PARP11: variants seen among roughly 807,000 people sequenced by gnomAD.
PARP11 encodes the protein poly(ADP-ribose) polymerase family member 11, also known as protein mono-ADP-ribosyltransferase PARP11.
In PARP11, 31 loss-of-function variants were observed where a neutral mutation model predicts 42.9. That is an observed-to-expected ratio of 0.72 (90% CI 0.54 to 0.98). The LOEUF is 0.98. Ranked by LOEUF, PARP11 falls within the 50% of genes least tolerant of loss-of-function variation. The probability of loss-of-function intolerance (pLI) is 0.00; values close to 1 mark genes in which losing one functional copy is unlikely to be tolerated. For missense variants in PARP11, 365 were observed against 413.1 expected, an observed-to-expected ratio of 0.88 and a Z score of 1.01; for synonymous variants, 137 against 127.3, an observed-to-expected ratio of 1.08 and a Z score of -0.51.
At chr12:3,834,147 T>C (rs1419461457) in intron 1 of PARP11, among the ~76,000 whole-genome samples, 2 of 152,052 alleles carry the variant, frequency 1.3e-5, no homozygotes, top group Non-Finnish European at 2.9e-5. Context: ...CTACCAGCAC[T>C]CCACTGCCCA....
In PARP11 at chr12:3,840,313, A is replaced by G; in HGVS notation, c.19-10295T>C. 1 of 1,614,198 alleles carries G rather than the reference A, an allele frequency of 6.2e-7. No homozygotes were observed. ...GGCACCTCCCCCAGAAAGCTGGAACACAGTGTCAGGGAAGAAGATGAAAAA... is the reference window on the plus strand; with the variant it reads ...GGCACCTCCCCCAGAAAGCTGGAACGCAGTGTCAGGGAAGAAGATGAAAAA... On this transcript the variant is annotated intron_variant, in intron 1 of 7. Transcript: ENST00000228820. This position sits in a 1 kb window ranked among gnomAD's most constrained non-coding sequence, Gnocchi z 4.4.
intron 1 of PARP11, among the ~76,000 whole-genome samples, chr12:3,856,498 C>T (rs928130158): frequency 2.0e-5 from 3 of 152,212 alleles, no homozygotes; most frequent in Non-Finnish European, 4.4e-5. Context: ...GACATTTATG[C>T]AGCCAATAGA....
rs149651455 is a variant in PARP11, at chr12:3,869,284, C to T, written c.18+3928G>A. ...TAATATGTGGATATCTTTAGGAGGC[C>T]ATTATTACGTCTACCATATTTTCTA... On this transcript the variant is annotated intron_variant, in intron 1 of 7. Coordinates refer to ENST00000228820, the MANE Select transcript of PARP11 (RefSeq NM_020367.6). Among the ~76,000 whole-genome samples the T allele has an allele frequency of 8.5e-5, 13 of 152,288 alleles. No individual in the cohort carries two copies. The East Asian group carries it at 2.5e-3, about 29-fold the overall frequency.
Position 3,809,614 on chromosome 12 carries a change from A to G in PARP11, c.*2509T>C, listed in dbSNP as rs1947130509. 6.6e-6 allele frequency: 1 copy of G among 152,248 alleles called. No individual in the cohort carries two copies. Among genetic ancestry groups the G allele is most frequent in the South Asian group, 2.1e-4 (1 of 4,836 alleles). 9.4% of individuals were successfully genotyped at this position (152,248 alleles called of 1,614,324 possible). A position where few individuals can be genotyped will look rare whatever the true frequency, so the allele number is the denominator to read the frequency against. ...ACAGTTTTTCCATTCAAGTGCTGAG[A>G]GAGCTATGCATATAAAACTTGAAAA... is the stretch of plus-strand genomic sequence containing the variant. On this transcript the variant is annotated 3_prime_UTR_variant, in exon 8 of 8. Coordinates refer to ENST00000228820, the MANE Select transcript of PARP11 (RefSeq NM_020367.6).
At chr12:3,817,700 G>T (rs1947319844) in intron 6 of PARP11, among the ~76,000 whole-genome samples, 1 of 152,164 alleles carries the variant, frequency 6.6e-6, no homozygotes, top group African/African-American at 2.4e-5. Context: ...ACCTCTTAGG[G>T]ACTAGAGTGC....
chr12:3,835,780 T>C (rs1332447493), intron 1 of PARP11, among the ~76,000 whole-genome samples: 2 of 152,112 alleles, frequency 1.3e-5, no homozygotes, highest in South Asian at 2.1e-4. Flanking sequence ...AGTGGTAGAT[T>C]TGTGAACAAG....
chr12:3,825,980 C>T (rs1485850386), intron 4 of PARP11, among the ~76,000 whole-genome samples, 178 bp downstream of exon 4: 1 of 152,060 alleles, frequency 6.6e-6, no homozygotes, highest in African/African-American at 2.4e-5. Flanking sequence ...CAGGCCGCCT[C>T]GGCCTCCCAA....
chr12:3,813,903 T>C, intron 7 of PARP11, 134 bp downstream of exon 7: 2 of 585,790 alleles, frequency 3.4e-6, no homozygotes, highest in Non-Finnish European at 5.5e-6. Flanking sequence ...TCGTACACAA[T>C]GCAATTATAA....
Position 3,814,077 on chromosome 12 carries a change from A to G in PARP11, c.660T>C (p.Asp220=), listed in dbSNP as rs1486251199. The part of the protein sequence containing the change: ...FVEAICIHNF[D]WRINGIHGAV... ...CACCATGTATACCATTTATTCTCCA[A>G]TCAAAGTTATGAATGCAGATTGCTT... The change falls in exon 7 of 8, where the codon GAT becomes GAC. Residue 220 remains aspartate (D), a synonymous_variant. Transcript: ENST00000228820. 6.2e-7 allele frequency: 1 copy of G among 1,606,056 alleles called. No homozygotes were observed. The highest frequency in any genetic ancestry group is 8.5e-7 in the Non-Finnish European group (1 of 1,174,996).
chr12:3,822,216 ACTTAG>A lies in PARP11; in HGVS notation c.345-64_345-60del. 2.4e-6 allele frequency: 3 copies of A among 1,271,828 alleles called. No individual in the cohort carries two copies. In the African/African-American group the frequency reaches 4.5e-5, roughly 19 times the overall value. The allele number at this position is 1,271,828 out of a possible 1,614,324, so 78.8% of individuals were successfully genotyped here. On this transcript the variant is annotated intron_variant, in intron 4 of 7. Coordinates refer to ENST00000228820, the MANE Select transcript of PARP11 (RefSeq NM_020367.6). Reference sequence around the variant, plus strand: ...AAGCCGATTACAATTACTGTCAAGAACTTAGCCCTTCTTCAAAGCTTAATTTTCAT... The same window carrying A: ...AAGCCGATTACAATTACTGTCAAGAACCCTTCTTCAAAGCTTAATTTTCAT...
intron 1 of PARP11, among the ~76,000 whole-genome samples, chr12:3,835,292 G>GTT (rs553390708): frequency 5.2e-4 from 79 of 152,238 alleles, no homozygotes; most frequent in African/African-American, 1.8e-3. Context: ...AGGTTAAGAG[G>GTT]GGAAAAGTCT....
intron 1 of PARP11, among the ~76,000 whole-genome samples, chr12:3,849,094 A>G (rs1948049513): frequency 6.6e-6 from 1 of 152,204 alleles, no homozygotes; most frequent in Non-Finnish European, 1.5e-5. Context: ...AGAAATGCAA[A>G]CCAAAACCAC....
intron 1 of PARP11, among the ~76,000 whole-genome samples, chr12:3,869,985 T>A (rs1948446737): frequency 6.6e-6 from 1 of 152,184 alleles, no homozygotes; most frequent in African/African-American, 2.4e-5. Flanking sequence ...GACAAAGGGA[T>A]GATTCGTGGC....
At chr12:3,821,833 A>G in intron 6 of PARP11, 40 bp downstream of exon 6, 5 of 1,572,220 alleles carry the variant, frequency 3.2e-6, no homozygotes, top group Non-Finnish European at 4.3e-6. Context: ...CATAAAAGAC[A>G]TAGTGGAAAG....
Position 3,810,821 on chromosome 12 carries a change from G to T in PARP11, c.*1302C>A. The T allele has an allele frequency of 6.6e-6, 1 of 152,108 alleles. No individual in the cohort carries two copies. 9.4% of individuals were successfully genotyped at this position (152,108 alleles called of 1,614,324 possible). A position where few individuals can be genotyped will look rare whatever the true frequency, so the allele number is the denominator to read the frequency against. ...AAGACAGAAGAGAAGAGAAAGAAGA[G>T]AAGAGAAAGAGGAGAGAAGAGAAGG... On this transcript the variant is annotated 3_prime_UTR_variant, in exon 8 of 8. Transcript: ENST00000228820.
At chr12:3,815,616 T>C (rs1565530129) in intron 6 of PARP11, among the ~76,000 whole-genome samples, 1 of 152,204 alleles carries the variant, frequency 6.6e-6, no homozygotes, top group African/African-American at 2.4e-5. Flanking sequence ...ACAGTCCAGA[T>C]ATCATCAGAC....
intron 1 of PARP11, among the ~76,000 whole-genome samples, chr12:3,853,126 T>C (rs1291755071): frequency 6.6e-6 from 1 of 152,150 alleles, no homozygotes; most frequent in African/African-American, 2.4e-5. Context: ...CAAGAGCTCC[T>C]GAAGGAAGCA....
At position 3,873,274 on chromosome 12, in the gene PARP11, G is replaced by A. The variant is rs1948528665; in HGVS notation, c.-45C>T. 6.5e-7 allele frequency: 1 copy of A among 1,546,054 alleles called. No individual in the cohort carries two copies. Among genetic ancestry groups the A allele is most frequent in the Non-Finnish European group, 8.8e-7 (1 of 1,142,832 alleles). On this transcript the variant is annotated 5_prime_UTR_variant, in exon 1 of 8. Coordinates refer to ENST00000228820, the MANE Select transcript of PARP11 (RefSeq NM_020367.6). ...GGAGAGAGCCTGTGGGAAGGGGCTA[G>A]CCGCGGGGCCTGGGTGTTGGATTTT...
chr12:3,840,382 A>C lies in PARP11; in HGVS notation c.19-10364T>G, dbSNP rs1947859655. 2.5e-6 allele frequency: 4 copies of C among 1,613,870 alleles called. No homozygotes were observed. Among genetic ancestry groups the C allele is most frequent in the Non-Finnish European group, 2.5e-6 (3 of 1,179,818 alleles). ...AAATTTCCATTCTGATATGGATTACAGAGGGCCAAAGAATCCAAGCAAGCC... is the reference window on the plus strand; with the variant it reads ...AAATTTCCATTCTGATATGGATTACCGAGGGCCAAAGAATCCAAGCAAGCC... On this transcript the variant is annotated intron_variant, in intron 1 of 7. Transcript: ENST00000228820. The surrounding 1 kb of genome is among the most constrained non-coding windows in gnomAD (Gnocchi z 4.4).
Sources: allele counts gnomAD v4.1 joint callset (sites outside exome capture counted in the v4.1 genomes callset), GRCh38; gene constraint gnomAD v4.1.1; non-coding constraint Gnocchi (gnomAD v3.1); transcripts MANE v1.5; gene names NCBI Gene and HGNC (gene_info 2026-07-23, HGNC 2026-07-21).